The following RNF17 variants were observed in gnomAD, a reference collection of about 807,000 sequenced individuals.
RNF17 encodes spermatogenesis associated 23.
RNF17 carries 31 observed loss-of-function variants against 200.5 expected under a neutral mutation model. That is an observed-to-expected ratio of 0.15 (90% confidence interval 0.12 to 0.21). The LOEUF (loss-of-function observed/expected upper bound fraction) is 0.21. Ranked by LOEUF, RNF17 falls within the 10% of genes least tolerant of loss-of-function variation. The pLI is 1.00. For missense variants in RNF17, 1,628 were observed against 1,905.1 expected (o/e 0.85, Z 2.71); for synonymous variants, 606 against 637.8 (o/e 0.95, Z 0.75).
At chr13:24,769,184 A>T (rs1880290668) in intron 2 of RNF17, among the ~76,000 whole-genome samples, 1 of 151,754 alleles carries the variant, frequency 6.6e-6, no homozygotes, top group African/African-American at 2.4e-5. Flanking sequence ...TCCTGTTCTA[A>T]TATTAAAAAA....
chr13:24,771,303 T>TACCACTGC (rs1880635245), intron 2 of RNF17, among the ~76,000 whole-genome samples: 1 of 142,040 alleles, frequency 7.0e-6, no homozygotes, highest in Admixed American at 7.2e-5. Flanking sequence ...TAAAGGGGAG[T>TACCACTGC]ACCACTGCAC....
chr13:24,867,711 A>G (rs1211647251), intron 30 of RNF17, among the ~76,000 whole-genome samples: 2 of 152,214 alleles, frequency 1.3e-5, no homozygotes, highest in African/African-American at 2.4e-5. Context: ...GCAGAAAAAC[A>G]TGCACCACAT....
At chr13:24,842,220 C>A in intron 19 of RNF17, 59 bp downstream of exon 19, 2 of 1,435,128 alleles carry the variant, frequency 1.4e-6, no homozygotes, top group Non-Finnish European at 9.5e-7. Flanking sequence ...ATTGTAATCA[C>A]AAGAAGGGAA....
At chr13:24,748,184 CT>C in the RNF17 span, among the ~76,000 whole-genome samples, 1 of 152,260 alleles carries the variant, frequency 6.6e-6, no homozygotes, top group African/African-American at 2.4e-5. Flanking sequence ...TTATTCACCC[CT>C]AATTGAGTTA....
chr13:24,753,473 A>G, the RNF17 span, among the ~76,000 whole-genome samples: 1 of 152,224 alleles, frequency 6.6e-6, no homozygotes, highest in South Asian at 2.1e-4. Context: ...CAGAGGGGGA[A>G]CCTTACCTGA....
Position 24,843,839 on chromosome 13 carries a change from T to C in RNF17, c.2699T>C (p.Val900Ala). The C allele has an allele frequency of 6.2e-7, 1 of 1,610,736 alleles. No homozygotes were observed. The highest frequency in any genetic ancestry group is 8.5e-7 in the Non-Finnish European group (1 of 1,177,512). Reference sequence around the variant, plus strand: ...AATGAAGTACACAACTTAAATCCTGTGTCTGCAAAATCTCTACCTAATGAG... The same window carrying C: ...AATGAAGTACACAACTTAAATCCTGCGTCTGCAAAATCTCTACCTAATGAG... ...ISNEVHNLNP[V>A]SAKSLPNENF... The change falls in exon 20 of 36, where the codon GTG (valine) becomes GCG (alanine). Residue 900 changes from valine to alanine, a missense_variant. Physicochemically the swap from Val to Ala is moderately conservative, Grantham distance 64 (BLOSUM62 0). Transcript: ENST00000255324.
chr13:24,883,193 A>G (rs373179147), downstream of RNF17: 11 of 1,613,964 alleles, frequency 6.8e-6, no homozygotes, highest in Middle Eastern at 1.6e-4. Flanking sequence ...CTCCGTGTCC[A>G]TTAGCACATT....
At chr13:24,821,383 T>A (rs1267487460) in intron 15 of RNF17, among the ~76,000 whole-genome samples, 1 of 152,226 alleles carries the variant, frequency 6.6e-6, no homozygotes, top group Admixed American at 6.5e-5. Context: ...CTTCTTGGAT[T>A]TGTAGGTTCA....
chr13:24,766,203 A>G (rs1216201790), intron 1 of RNF17, among the ~76,000 whole-genome samples: 1 of 152,234 alleles, frequency 6.6e-6, no homozygotes, highest in Non-Finnish European at 1.5e-5. Flanking sequence ...TCTCAGAATG[A>G]GTGAATGAAT....
At chr13:24,815,713 A>G (rs1187387311) in intron 15 of RNF17, among the ~76,000 whole-genome samples, 2 of 152,080 alleles carry the variant, frequency 1.3e-5, no homozygotes, top group African/African-American at 4.8e-5. Context: ...GTTTTTCCCA[A>G]ATGACCTTTA....
downstream of RNF17, among the ~76,000 whole-genome samples, chr13:24,880,202 G>A (rs549956818): frequency 6.6e-6 from 1 of 152,286 alleles, no homozygotes; most frequent in East Asian, 1.9e-4. Flanking sequence ...CATGGGGGAA[G>A]GGGAAGCAAG....
chr13:24,771,834 A>G (rs888691195), intron 2 of RNF17, among the ~76,000 whole-genome samples: 3 of 152,072 alleles, frequency 2.0e-5, no homozygotes, highest in African/African-American at 4.8e-5. Flanking sequence ...GAGAAACCCA[A>G]TCTCTACTAA....
At chr13:24,763,366 CTAA>C (rs1879004873), upstream of RNF17, among the ~76,000 whole-genome samples, 1 of 111,556 alleles carries the variant, frequency 9.0e-6, no homozygotes, top group Non-Finnish European at 1.8e-5. Context: ...CCACGTCCGG[CTAA>C]TTTTTTTTTT....
intron 15 of RNF17, among the ~76,000 whole-genome samples, chr13:24,807,085 C>T (rs200787786): frequency 2.0e-5 from 3 of 151,352 alleles, no homozygotes; most frequent in African/African-American, 4.8e-5. Flanking sequence ...TCTTTGCTAT[C>T]ATGAATAATG....
chr13:24,803,746 C>A, intron 14 of RNF17: 1 of 153,314 alleles, frequency 6.5e-6, no homozygotes, highest in Non-Finnish European at 1.5e-5. Flanking sequence ...TGACACAGAC[C>A]ACAGATATCA....
chr13:24,871,079 C>T (rs536897704), intron 32 of RNF17, among the ~76,000 whole-genome samples: 1 of 152,324 alleles, frequency 6.6e-6, no homozygotes, highest in East Asian at 1.9e-4. Context: ...TAATGGTCAT[C>T]ATTTAAATTA....
chr13:24,849,223 A>G (rs926710844), intron 22 of RNF17, among the ~76,000 whole-genome samples: 1 of 152,218 alleles, frequency 6.6e-6, no homozygotes, highest in African/African-American at 2.4e-5. Flanking sequence ...AAACTCTGGA[A>G]CTAGAAACCA....
At chr13:24,815,363 A>G (rs1017228916) in intron 15 of RNF17, among the ~76,000 whole-genome samples, 3 of 151,588 alleles carry the variant, frequency 2.0e-5, no homozygotes, top group African/African-American at 7.3e-5. Flanking sequence ...TTAAAACACA[A>G]CTGATTTTTA....
intron 24 of RNF17, 66 bp downstream of exon 24, chr13:24,851,637 C>A: frequency 1.1e-6 from 1 of 897,778 alleles, no homozygotes; most frequent in Non-Finnish European, 1.7e-6. Flanking sequence ...GTGTGCAAAT[C>A]TTATGTGTGC....
Sources: gnomAD v4.1 joint callset for allele counts (sites outside exome capture counted in the v4.1 genomes callset) on GRCh38, gnomAD v4.1.1 for gene constraint, MANE v1.5 for transcripts, NCBI Gene and HGNC (gene_info 2026-07-23, HGNC 2026-07-21) for gene names.